Variants in TUT4 observed in about 807,000 individuals in gnomAD.
The protein encoded by TUT4 is terminal uridylyl transferase 4, also known as terminal uridylyltransferase 4.
In TUT4, 36 loss-of-function variants were observed where a neutral mutation model predicts 192.2. The ratio of observed to expected loss-of-function variants is 0.19; its 90% CI spans 0.14 to 0.25. The LOEUF (loss-of-function observed/expected upper bound fraction) is 0.25. Ranked by LOEUF, TUT4 falls within the 10% of genes least tolerant of loss-of-function variation. TUT4 has a pLI of 1.00. For synonymous variants in TUT4, 618 were observed against 666.0 expected (o/e 0.93, Z 1.11); for missense variants, 1,493 against 1,957.2 (o/e 0.76, Z 4.47).
At chr1:52,468,322 T>C (rs1476835931) in intron 14 of TUT4, 55 bp from the exon 15 acceptor site, 2 of 1,347,738 alleles carry the variant, frequency 1.5e-6, no homozygotes, top group African/African-American at 1.5e-5. Flanking sequence ...AAACAGAATC[T>C]GAAAACATCT....
chr1:52,509,252 C>A (rs1052048373), intron 4 of TUT4, among the ~76,000 whole-genome samples: 8 of 152,216 alleles, frequency 5.3e-5, no homozygotes, highest in African/African-American at 1.7e-4. Flanking sequence ...CGCATGCCCT[C>A]ATCAATTCTT....
intron 1 of TUT4, chr1:52,530,017 A>AT (rs1355778368): frequency 2.6e-5 from 4 of 151,978 alleles, no homozygotes; most frequent in African/African-American, 7.3e-5. Flanking sequence ...CAATTCTTGT[A>AT]TTTTTTGTAG....
At chr1:52,549,004 CTT>C (rs1688746232) in intron 1 of TUT4, among the ~76,000 whole-genome samples, 1 of 152,250 alleles carries the variant, frequency 6.6e-6, no homozygotes, top group East Asian at 1.9e-4. Flanking sequence ...TCCCAAAAGA[CTT>C]TTCCAAAAAA....
At chr1:52,483,775 A>G (rs1669096555) in intron 9 of TUT4, among the ~76,000 whole-genome samples, 1 of 152,012 alleles carries the variant, frequency 6.6e-6, no homozygotes. Flanking sequence ...GCGCCACTAC[A>G]CTCCAGCCTG....
intron 2 of TUT4, among the ~76,000 whole-genome samples, chr1:52,521,696 T>G (rs1228140674): frequency 1.3e-5 from 2 of 151,122 alleles, no homozygotes; most frequent in Non-Finnish European, 2.9e-5. Context: ...CTGGACACAG[T>G]GGCTCACGCC....
intron 2 of TUT4, among the ~76,000 whole-genome samples, chr1:52,522,026 A>C (rs188391835): frequency 8.5e-5 from 13 of 152,254 alleles, no homozygotes; most frequent in African/African-American, 3.1e-4. Context: ...CTGAGAATCA[A>C]TCTAATAAGA....
Position 52,438,267 on chromosome 1 carries a change from C to T in TUT4, c.3891G>A (p.Val1297=). Residue 1297 remains valine (V), a synonymous_variant, in exon 25 of 30, where the codon GTG becomes GTA. Transcript: ENST00000257177. ...ELAPNDRCCR[V]CGKIGHYMKD... ...TCATGTAGTGGCCTATTTTTCCACA[C>T]ACACGGCAACATCTATCATTGGGAG... is the stretch of plus-strand genomic sequence containing the variant. 1 of 1,613,942 alleles carries T rather than the reference C, an allele frequency of 6.2e-7. No homozygotes were observed. Among genetic ancestry groups the T allele is most frequent in the Non-Finnish European group, 8.5e-7 (1 of 1,179,928 alleles).
At chr1:52,442,571 AC>A (rs2148383694) in intron 24 of TUT4, among the ~76,000 whole-genome samples, 1 of 152,290 alleles carries the variant, frequency 6.6e-6, no homozygotes, top group African/African-American at 2.4e-5. Context: ...CCAGCTGAGC[AC>A]CCCAAACCAG....
intron 7 of TUT4, among the ~76,000 whole-genome samples, chr1:52,493,201 A>G (rs566387994): frequency 1.3e-5 from 2 of 152,290 alleles, no homozygotes; most frequent in East Asian, 3.9e-4. Context: ...CTTCTGCCTC[A>G]GTCTCCCGAG....
chr1:52,551,689 CACACACACAT>C (rs1232061030), intron 1 of TUT4, among the ~76,000 whole-genome samples: 3 of 152,278 alleles, frequency 2.0e-5, no homozygotes, highest in East Asian at 3.9e-4. Context: ...CGCGCGCGCA[CACACACACAT>C]ACACACACAC....
intron 20 of TUT4, among the ~76,000 whole-genome samples, chr1:52,454,978 GA>G (rs1197403089): frequency 6.6e-6 from 1 of 152,172 alleles, no homozygotes; most frequent in African/African-American, 2.4e-5. Context: ...TCATCAGGGA[GA>G]TGCAAATTAA....
At chr1:52,491,225 A>G (rs926141968) in intron 7 of TUT4, among the ~76,000 whole-genome samples, 2 of 152,166 alleles carry the variant, frequency 1.3e-5, no homozygotes, top group African/African-American at 4.8e-5. Flanking sequence ...TAAATTACCA[A>G]TGTAATTACA....
rs185591355 is a variant in TUT4 at position 52,423,851 on chromosome 1, C to T, written c.*84G>A. ...CACTTTTTCTGCTGAATGTAACTGA[C>T]ATTGAGGTACGGATACCCTTGAGAC... On this transcript the variant is annotated 3_prime_UTR_variant, in exon 30 of 30. Coordinates refer to ENST00000257177, the MANE Select transcript of TUT4 (RefSeq NM_001009881.3). The T allele has an allele frequency of 1.9e-5, 30 of 1,570,120 alleles. No homozygotes were observed. In the East Asian group the frequency reaches 6.2e-4, roughly 32 times the overall value.
chr1:52,474,971 T>C lies in TUT4; in HGVS notation c.2588A>G (p.Gln863Arg), dbSNP rs1666724426. The C allele has an allele frequency of 6.2e-7, 1 of 1,614,116 alleles. No individual in the cohort carries two copies. Among genetic ancestry groups the C allele is most frequent in the African/African-American group, 1.3e-5 (1 of 74,942 alleles). Residue 863 changes from glutamine (Q) to arginine (R), a missense_variant, in exon 13 of 30, where the codon CAG becomes CGG. Physicochemically the swap from Gln to Arg is conservative, Grantham distance 43. Coordinates refer to ENST00000257177, the MANE Select transcript of TUT4 (RefSeq NM_001009881.3). ...RSNLETESSH[Q>R]SVCTDTSATS... ...AGCAGATGTGTCGGTGCACACACTC[T>C]GATGTGAACTCTCTGTTTCTAAATT...
chr1:52,544,405 T>G (rs559394951), intron 1 of TUT4, among the ~76,000 whole-genome samples: 37 of 152,228 alleles, frequency 2.4e-4, no homozygotes, highest in African/African-American at 7.5e-4. Context: ...GTCAAATAAT[T>G]TTTAACAAGG....
At chr1:52,457,558 A>G (rs1028715428) in intron 20 of TUT4, among the ~76,000 whole-genome samples, 5 of 152,188 alleles carry the variant, frequency 3.3e-5, no homozygotes, top group Admixed American at 2.6e-4. Context: ...CTTCTTTGCC[A>G]TAACTATCAA....
At chr1:52,526,800 G>A (rs1273766591) in intron 1 of TUT4, among the ~76,000 whole-genome samples, 1 of 152,088 alleles carries the variant, frequency 6.6e-6, no homozygotes, top group African/African-American at 2.4e-5. Flanking sequence ...CAAGGTGGGT[G>A]GATCACCTGA....
In TUT4 at chr1:52,481,837, T is replaced by G; in HGVS notation, c.1602A>C (p.Lys534Asn). ...CAAGTAAGCAAGGAAGAAGAGGGGG[T>G]TTTCTCTGTTGTAGAAAAAACATCA... is the stretch of plus-strand genomic sequence containing the variant. ...LMVMFFLQQR[K>N]PPLLPCLLGS... The change falls in exon 10 of 30, where the codon AAA (lysine) becomes AAC (asparagine). Residue 534 changes from lysine to asparagine, a missense_variant. Lys to Asn is a moderately conservative substitution (Grantham distance 94). Transcript: ENST00000257177. 12 of 1,591,592 alleles carry G rather than the reference T, an allele frequency of 7.5e-6. No individual in the cohort carries two copies. Among genetic ancestry groups the G allele is most frequent in the Admixed American group, 1.9e-5 (1 of 53,858 alleles).
intron 12 of TUT4, among the ~76,000 whole-genome samples, chr1:52,475,778 C>A (rs994309383): frequency 6.6e-6 from 1 of 151,764 alleles, no homozygotes; most frequent in Non-Finnish European, 1.5e-5. Flanking sequence ...AATAAGGTCA[C>A]TAATAATGGG....
Sources: gnomAD v4.1 joint callset for allele counts (sites outside exome capture counted in the v4.1 genomes callset) on GRCh38, gnomAD v4.1.1 for gene constraint, MANE v1.5 for transcripts, NCBI Gene and HGNC (gene_info 2026-07-23, HGNC 2026-07-21) for gene names.